The following KLHL1 variants were observed in gnomAD, a reference collection of about 807,000 sequenced individuals.
KLHL1 encodes the protein kelch like family member 1.
Under a neutral mutation model 77.7 loss-of-function variants are expected in KLHL1, and 47 were observed. The observed-to-expected ratio is 0.60, with a 90% CI of 0.48 to 0.77. The LOEUF (loss-of-function observed/expected upper bound fraction) is 0.77. Among genes scored for constraint, KLHL1 ranks in the 30% least tolerant of loss-of-function variants. The pLI is 0.00. For missense variants in KLHL1, 925 were observed against 910.8 expected (o/e 1.02, Z -0.20); for synonymous variants, 360 against 325.2 (o/e 1.11, Z -1.15).
At chr13:69,897,845 G>A (rs151192527) in intron 4 of KLHL1, among the ~76,000 whole-genome samples, 1,651 of 152,304 alleles carry the variant, frequency 0.011, 12 homozygotes, top group Middle Eastern at 0.044. Flanking sequence ...AATAGCAGAT[G>A]ATGAGATCAT....
chr13:69,831,921 G>C (rs1566302638), intron 6 of KLHL1, among the ~76,000 whole-genome samples: 1 of 149,820 alleles, frequency 6.7e-6, no homozygotes, highest in Non-Finnish European at 1.5e-5. Context: ...AAAACCCTCA[G>C]CAAAACTGGC....
chr13:69,858,954 G>C (rs1411631881), intron 5 of KLHL1, among the ~76,000 whole-genome samples: 1 of 152,044 alleles, frequency 6.6e-6, no homozygotes, highest in East Asian at 1.9e-4. Flanking sequence ...TTCTTTCTCT[G>C]TCTATATCTA....
intron 5 of KLHL1, among the ~76,000 whole-genome samples, chr13:69,873,983 C>G (rs146255439): frequency 1.3e-5 from 2 of 152,106 alleles, no homozygotes; most frequent in East Asian, 3.9e-4. Context: ...TAAGCTGAAA[C>G]GTGATTAATA....
At chr13:69,969,766 A>C (rs568665499) in intron 2 of KLHL1, among the ~76,000 whole-genome samples, 133 of 152,192 alleles carry the variant, frequency 8.7e-4, no homozygotes, top group African/African-American at 3.0e-3. Context: ...TAAATTTTAG[A>C]AGAGGGATTT....
intron 6 of KLHL1, among the ~76,000 whole-genome samples, chr13:69,805,992 C>G (rs986344545): frequency 6.6e-6 from 1 of 151,890 alleles, no homozygotes; most frequent in Non-Finnish European, 1.5e-5. Context: ...ATAACTATAG[C>G]GTTTTCTTTA....
intron 1 of KLHL1, among the ~76,000 whole-genome samples, chr13:70,104,062 C>T (rs182365670): frequency 6.6e-6 from 1 of 152,210 alleles, no homozygotes; most frequent in Admixed American, 6.5e-5. Context: ...CTATAAAATG[C>T]AAGAATATAA....
chr13:70,097,559 C>A (rs980736254), intron 1 of KLHL1, among the ~76,000 whole-genome samples: 1 of 151,940 alleles, frequency 6.6e-6, no homozygotes, highest in Admixed American at 6.6e-5. Context: ...TTCGTCTCAG[C>A]CTGCAATGTA....
In KLHL1 at chr13:69,992,174, T is replaced by C. The variant is rs867401278; in HGVS notation, c.498-16372A>G. Among the ~76,000 whole-genome samples, 3 of 152,198 alleles carry C rather than the reference T, an allele frequency of 2.0e-5. No individual in the cohort carries two copies. The Middle Eastern group carries it at 0.01, about 518-fold the overall frequency. Reference sequence around the variant, plus strand: ...TTATGAAATTATTTTAAATTTATGTTATTTTATAATTGAAATATTTGTGTC... The same window carrying C: ...TTATGAAATTATTTTAAATTTATGTCATTTTATAATTGAAATATTTGTGTC... On this transcript the variant is annotated intron_variant, in intron 1 of 10. Coordinates refer to ENST00000377844, the MANE Select transcript of KLHL1 (RefSeq NM_020866.3).
intron 1 of KLHL1, among the ~76,000 whole-genome samples, chr13:70,086,971 A>T (rs1215675438): frequency 6.6e-6 from 1 of 152,174 alleles, no homozygotes. Context: ...GGGGAATGGC[A>T]TGATTGATTT....
intron 4 of KLHL1, among the ~76,000 whole-genome samples, chr13:69,934,962 G>GTATATATATATTTA (rs1883123391): frequency 7.7e-6 from 1 of 129,818 alleles, no homozygotes; most frequent in African/African-American, 3.1e-5. Flanking sequence ...GTGTGCATGT[G>GTATATATATATTTA]TATATATATA....
chr13:70,065,468 A>C (rs1330886017), intron 1 of KLHL1, among the ~76,000 whole-genome samples: 2 of 152,202 alleles, frequency 1.3e-5, no homozygotes, highest in African/African-American at 4.8e-5. Context: ...TTTGATTAAC[A>C]GTGGAAGGCT....
At chr13:69,783,304 A>G (rs1421448866) in intron 7 of KLHL1, among the ~76,000 whole-genome samples, 5 of 152,218 alleles carry the variant, frequency 3.3e-5, no homozygotes, top group African/African-American at 1.2e-4. Flanking sequence ...CCTCACCAGC[A>G]ATAGAACAAA....
chr13:69,978,647 C>T (rs563250137), intron 1 of KLHL1, among the ~76,000 whole-genome samples: 93 of 151,882 alleles, frequency 6.1e-4, no homozygotes, highest in African/African-American at 1.9e-3. Context: ...CCACCATGCC[C>T]GGCTCATTTT....
At chr13:70,084,756 T>C (rs1887491613) in intron 1 of KLHL1, among the ~76,000 whole-genome samples, 1 of 150,146 alleles carries the variant, frequency 6.7e-6, no homozygotes, top group Non-Finnish European at 1.5e-5. Context: ...ATTACAGGCG[T>C]GAGCCACTGC....
At chr13:69,990,967 G>A (rs957735513) in intron 1 of KLHL1, among the ~76,000 whole-genome samples, 5 of 151,834 alleles carry the variant, frequency 3.3e-5, no homozygotes, top group African/African-American at 9.7e-5. Context: ...CTTGGACCAC[G>A]GAGCATCAAA....
chr13:69,756,201 A>G (rs1874726282), intron 7 of KLHL1, among the ~76,000 whole-genome samples: 1 of 152,174 alleles, frequency 6.6e-6, no homozygotes, highest in South Asian at 2.1e-4. Flanking sequence ...CTCCAAGACC[A>G]TAATATCTAC....
At chr13:69,797,613 G>T (rs559127295) in intron 6 of KLHL1, among the ~76,000 whole-genome samples, 1 of 150,414 alleles carries the variant, frequency 6.6e-6, no homozygotes, top group Non-Finnish European at 1.5e-5. Context: ...TCAGGAGATC[G>T]AGACCATCCT....
intron 4 of KLHL1, among the ~76,000 whole-genome samples, chr13:69,929,668 T>C (rs552196844): frequency 7.9e-5 from 12 of 151,890 alleles, no homozygotes; most frequent in Non-Finnish European, 1.8e-4. Flanking sequence ...ATTAATTAAA[T>C]TTTAGATCAA....
chr13:70,001,608 T>C (rs990531125), intron 1 of KLHL1, among the ~76,000 whole-genome samples: 1 of 151,184 alleles, frequency 6.6e-6, no homozygotes, highest in African/African-American at 2.4e-5. Flanking sequence ...TCTATCTATC[T>C]ATCTATCTAC....
Sources: allele counts gnomAD v4.1 joint callset (sites outside exome capture counted in the v4.1 genomes callset), GRCh38; gene constraint gnomAD v4.1.1; transcripts MANE v1.5; gene names NCBI Gene and HGNC (gene_info 2026-07-23, HGNC 2026-07-21).